Variants in CTNND2 observed in about 807,000 individuals in gnomAD.
The protein encoded by CTNND2 is catenin delta-2.
Under a neutral mutation model 144.4 loss-of-function variants are expected in CTNND2, and 22 were observed. The ratio of observed to expected loss-of-function variants is 0.15; its 90% CI spans 0.11 to 0.22. The LOEUF (loss-of-function observed/expected upper bound fraction) is 0.22, where lower values mean the gene tolerates loss of function less well. Ranked by LOEUF, CTNND2 falls within the 10% of genes least tolerant of loss-of-function variation. The pLI is 1.00. For missense variants in CTNND2, 1,353 were observed against 1,618.8 expected, an observed-to-expected ratio of 0.84 and a Z score of 2.82; for synonymous variants, 751 against 695.6, an observed-to-expected ratio of 1.08 and a Z score of -1.25.
intron 3 of CTNND2, among the ~76,000 whole-genome samples, chr5:11,416,460 T>C (rs1347343913): frequency 2.0e-5 from 3 of 152,186 alleles, no homozygotes; most frequent in African/African-American, 7.2e-5. Flanking sequence ...TCACAGAGAA[T>C]GGAAGTCCCA....
rs1213606179 is a variant in CTNND2, at chr5:11,880,855, A to C, written c.37+22962T>G. ...TACTACCACTACTACTACCACCACT[A>C]CTACTACCACTACTACTGCTACTAG... On this transcript the variant is annotated intron_variant, in intron 1 of 21. Transcript: ENST00000304623. 9.6e-5 allele frequency among the ~76,000 whole-genome samples: 12 copies of C among 125,004 alleles called. No individual in the cohort carries two copies. In the Admixed American group the frequency reaches 9.8e-4, roughly 10 times the overall value. The allele number at this position is 125,004 out of a possible 152,430, so 82.0% of individuals were successfully genotyped here.
chr5:11,467,426 C>A (rs139964100), intron 3 of CTNND2, among the ~76,000 whole-genome samples: 5 of 152,294 alleles, frequency 3.3e-5, no homozygotes, highest in African/African-American at 4.8e-5. Context: ...AAGGTCCCTG[C>A]CATTTTTGAG....
chr5:11,299,931 A>G (rs13175525), intron 9 of CTNND2, among the ~76,000 whole-genome samples: 23,761 of 152,204 alleles, frequency 0.16, 2,146 homozygotes, highest in African/African-American at 0.23. Flanking sequence ...ATGTAGAAAC[A>G]CGGCCACTTA....
intron 2 of CTNND2, among the ~76,000 whole-genome samples, chr5:11,572,997 T>C (rs1157478303): frequency 6.6e-6 from 1 of 152,092 alleles, no homozygotes; most frequent in Non-Finnish European, 1.5e-5. Flanking sequence ...ATGTTCTACC[T>C]GGGAGAGGAT....
intron 17 of CTNND2, among the ~76,000 whole-genome samples, chr5:11,019,995 A>C (rs1347863688): frequency 6.6e-6 from 1 of 152,240 alleles, no homozygotes; most frequent in Non-Finnish European, 1.5e-5. Context: ...TATAAGAGTT[A>C]ATAACAATTA....
At chr5:11,300,104 C>G (rs1308234592) in intron 9 of CTNND2, among the ~76,000 whole-genome samples, 3 of 152,182 alleles carry the variant, frequency 2.0e-5, no homozygotes, top group Non-Finnish European at 4.4e-5. Context: ...TCAGGAGAGA[C>G]TTCTAAGTTG....
At position 10,993,700 on chromosome 5, in the gene CTNND2, TAA is replaced by T. The variant is rs1394265255; in HGVS notation, c.3085-1025_3085-1024del. 1.1e-3 allele frequency among the ~76,000 whole-genome samples: 163 copies of T among 152,238 alleles called. 1 individual carries two copies. The highest frequency in any genetic ancestry group is 3.9e-3 in the African/African-American group (160 of 41,552). On this transcript the variant is annotated intron_variant, in intron 18 of 21. Transcript: ENST00000304623. ...TGCCACACAGTTAGCACCTAGTAAGTAAGCTGGGTAATATCTTTTAAAATCAT... is the reference window on the plus strand; with the variant it reads ...TGCCACACAGTTAGCACCTAGTAAGTGCTGGGTAATATCTTTTAAAATCAT...
chr5:11,441,154 T>C (rs878962008), intron 3 of CTNND2, among the ~76,000 whole-genome samples: 1 of 152,144 alleles, frequency 6.6e-6, no homozygotes, highest in African/African-American at 2.4e-5. Context: ...ATTTGGTAAT[T>C]ACTTTTTGTT....
chr5:11,377,997 C>T (rs1003525502), intron 7 of CTNND2, among the ~76,000 whole-genome samples: 1 of 152,178 alleles, frequency 6.6e-6, no homozygotes, highest in Non-Finnish European at 1.5e-5. Flanking sequence ...TTTGCTGAAC[C>T]TTCAGCAAAG....
At chr5:11,508,072 C>T (rs1376140376) in intron 3 of CTNND2, among the ~76,000 whole-genome samples, 3 of 151,580 alleles carry the variant, frequency 2.0e-5, no homozygotes, top group Non-Finnish European at 4.4e-5. Context: ...GTCCTAAGGT[C>T]TGGGATTTTA....
At chr5:11,323,239 G>GT (rs1752218904) in intron 9 of CTNND2, among the ~76,000 whole-genome samples, 1 of 145,210 alleles carries the variant, frequency 6.9e-6, no homozygotes, top group Admixed American at 6.9e-5. Flanking sequence ...ATTGGGGGGG[G>GT]GGGTCTCACT....
intron 1 of CTNND2, among the ~76,000 whole-genome samples, chr5:11,870,584 GA>G: frequency 2.0e-5 from 3 of 152,282 alleles, no homozygotes; most frequent in Middle Eastern, 3.4e-3. Context: ...AAAAGGAAGT[GA>G]AAAAATGCAT....
At chr5:11,543,518 G>A (rs1036053458) in intron 3 of CTNND2, among the ~76,000 whole-genome samples, 1 of 152,054 alleles carries the variant, frequency 6.6e-6, no homozygotes, top group Non-Finnish European at 1.5e-5. Context: ...ATAATACAAT[G>A]AATTAGGTCA....
At chr5:11,316,473 TA>T (rs796255042) in intron 9 of CTNND2, among the ~76,000 whole-genome samples, 142 of 40,574 alleles carry the variant, frequency 3.5e-3, no homozygotes, top group Admixed American at 6.8e-3. Flanking sequence ...TATTTTTTAT[TA>T]TTATTATTAT....
intron 7 of CTNND2, among the ~76,000 whole-genome samples, chr5:11,366,389 G>C (rs1756979851): frequency 6.6e-6 from 1 of 152,184 alleles, no homozygotes. Context: ...AAACCACTGA[G>C]TATTTTGAGG....
intron 3 of CTNND2, among the ~76,000 whole-genome samples, chr5:11,549,228 C>A (rs1297576143): frequency 1.3e-5 from 2 of 152,098 alleles, no homozygotes; most frequent in African/African-American, 4.8e-5. Flanking sequence ...CTATAGGTTG[C>A]TTGAGGGCAG....
intron 1 of CTNND2, among the ~76,000 whole-genome samples, chr5:11,874,296 G>A (rs1735382805): frequency 2.0e-5 from 3 of 152,156 alleles, no homozygotes; most frequent in Admixed American, 1.3e-4. Context: ...ATAGCAGTCT[G>A]AGGGGAATAT....
intron 3 of CTNND2, among the ~76,000 whole-genome samples, chr5:11,439,415 A>G (rs1187560795): frequency 6.6e-6 from 1 of 152,220 alleles, no homozygotes; most frequent in Non-Finnish European, 1.5e-5. Context: ...CATAAAGAGG[A>G]AGTCACTTTT....
intron 14 of CTNND2, among the ~76,000 whole-genome samples, chr5:11,101,472 T>C (rs1751870758): frequency 6.6e-6 from 1 of 152,220 alleles, no homozygotes; most frequent in Non-Finnish European, 1.5e-5. Flanking sequence ...TCATGGGATA[T>C]ACAACTCTTG....
Sources: allele counts gnomAD v4.1 joint callset (sites outside exome capture counted in the v4.1 genomes callset), GRCh38; gene constraint gnomAD v4.1.1; transcripts MANE v1.5; gene names NCBI Gene and HGNC (gene_info 2026-07-23, HGNC 2026-07-21).